The following SLC24A4 variants were observed in gnomAD, a reference collection of about 807,000 sequenced individuals.
SLC24A4 encodes the protein sodium/potassium/calcium exchanger 4.
In SLC24A4, 53 loss-of-function variants were observed where a neutral mutation model predicts 79.0. That is an observed-to-expected ratio of 0.67 (90% CI 0.54 to 0.84). The LOEUF (loss-of-function observed/expected upper bound fraction) is 0.84. SLC24A4 is among the 40% of genes least tolerant of loss of function. SLC24A4 has a pLI of 0.00. For missense variants in SLC24A4, 731 were observed against 822.0 expected (o/e 0.89, Z 1.35); for synonymous variants, 323 against 323.8 (o/e 1.00, Z 0.03).
At chr14:92,464,224 A>G (rs77278298) in intron 12 of SLC24A4, among the ~76,000 whole-genome samples, 2,827 of 152,274 alleles carry the variant, frequency 0.019, 93 homozygotes, top group African/African-American at 0.065. Flanking sequence ...GATCTTGGGA[A>G]TTTTTAGAGT....
intron 2 of SLC24A4, among the ~76,000 whole-genome samples, chr14:92,416,686 C>A (rs887104281): frequency 6.6e-6 from 1 of 152,174 alleles, no homozygotes; most frequent in African/African-American, 2.4e-5. Flanking sequence ...TAAGAACCTC[C>A]TCAAACCTCA....
In SLC24A4 at chr14:92,392,716, G is replaced by A. The variant is rs548164631; in HGVS notation, c.242-41196G>A. Among the ~76,000 whole-genome samples the A allele has an allele frequency of 1.9e-3, 284 of 152,316 alleles. 1 individual carries two copies. Among genetic ancestry groups the A allele is most frequent in the Admixed American group, 6.9e-3 (105 of 15,296 alleles). ...CTCCAGTGTGACAGTGTTGAGAGTG[G>A]GGCCTTTGAGGAAGTGAGGGATTAG... On this transcript the variant is annotated intron_variant, in intron 2 of 16. Transcript: ENST00000532405.
chr14:92,439,472 A>G, intron 4 of SLC24A4, 63 bp downstream of exon 4: 1 of 1,474,442 alleles, frequency 6.8e-7, no homozygotes. Context: ...CATAAATGCC[A>G]AGCCAAGAAG....
rs1410330735 is a variant in SLC24A4, at chr14:92,490,134, C to T, written c.1538-1531C>T. Among the ~76,000 whole-genome samples the T allele has an allele frequency of 2.6e-5, 4 of 152,202 alleles. No individual in the cohort carries two copies. The highest frequency in any genetic ancestry group is 9.6e-5 in the African/African-American group (4 of 41,454). The stretch of plus-strand genomic sequence containing the variant: ...CTGGCAGTCGAACAGAGATGGGCCA[C>T]CTGTGTGGGTGCCGATCTGAGTTGC... On this transcript the variant is annotated intron_variant, in intron 14 of 16. Transcript: ENST00000532405. The surrounding 1 kb of genome is among the most constrained non-coding windows in gnomAD (Gnocchi z 4.3).
intron 2 of SLC24A4, among the ~76,000 whole-genome samples, chr14:92,338,746 C>T (rs1181340772): frequency 6.6e-6 from 1 of 152,196 alleles, no homozygotes; most frequent in Non-Finnish European, 1.5e-5. Context: ...ACTTAGGAGG[C>T]CTATTGGGGG....
chr14:92,441,986 G>A lies in SLC24A4; in HGVS notation c.394-103G>A, dbSNP rs1436929559. On this transcript the variant is annotated intron_variant, in intron 4 of 16. Coordinates refer to ENST00000532405, the MANE Select transcript of SLC24A4 (RefSeq NM_153646.4). The surrounding 1 kb of genome is among the most constrained non-coding windows in gnomAD (Gnocchi z 4.6). Reference sequence around the variant, plus strand: ...CTGCAGGCAGACGAGTTTGCCTCTGGCTGCAGCACTGCTCTCCTGCATGCT... The same window carrying A: ...CTGCAGGCAGACGAGTTTGCCTCTGACTGCAGCACTGCTCTCCTGCATGCT... 1 of 875,666 alleles carries A rather than the reference G, an allele frequency of 1.1e-6. No homozygotes were observed. Among genetic ancestry groups the A allele is most frequent in the African/African-American group, 1.7e-5 (1 of 59,686 alleles). The allele number at this position is 875,666 out of a possible 1,614,324, so 54.2% of individuals were successfully genotyped here. A position where few individuals can be genotyped will look rare whatever the true frequency, so the allele number is the denominator to read the frequency against.
At chr14:92,456,344 A>G in intron 11 of SLC24A4, 60 bp from the exon 12 acceptor site, 1 of 1,575,392 alleles carries the variant, frequency 6.3e-7, no homozygotes. Flanking sequence ...CCCAGCGTAT[A>G]GCAATAGCAT....
chr14:92,363,495 C>T (rs1887649341), intron 2 of SLC24A4, among the ~76,000 whole-genome samples: 1 of 152,220 alleles, frequency 6.6e-6, no homozygotes, highest in African/African-American at 2.4e-5. Context: ...AGGGATTTGC[C>T]AAGCGTTGCA....
chr14:92,434,173 T>G (rs1289124746), intron 3 of SLC24A4, among the ~76,000 whole-genome samples, 185 bp downstream of exon 3: 1 of 152,182 alleles, frequency 6.6e-6, no homozygotes, highest in African/African-American at 2.4e-5. Context: ...ACTTACCCAG[T>G]GTCACACAGC....
chr14:92,408,425 C>T, intron 2 of SLC24A4: 2 of 985,384 alleles, frequency 2.0e-6, no homozygotes, highest in Non-Finnish European at 2.4e-6. Flanking sequence ...TCTCCTATCT[C>T]TGCAAACATG....
intron 2 of SLC24A4, among the ~76,000 whole-genome samples, chr14:92,391,957 C>A (rs1395271884): frequency 2.6e-5 from 4 of 152,198 alleles, no homozygotes; most frequent in Non-Finnish European, 4.4e-5. Flanking sequence ...CAAGTGAGAA[C>A]CACGCTTCCT....
chr14:92,467,407 A>G (rs918646499), intron 12 of SLC24A4, among the ~76,000 whole-genome samples: 2 of 152,232 alleles, frequency 1.3e-5, no homozygotes, highest in Non-Finnish European at 1.5e-5. Flanking sequence ...AACTTCATCA[A>G]CCTGACTAAT....
At chr14:92,352,014 GTAA>G (rs1886924595) in intron 2 of SLC24A4, among the ~76,000 whole-genome samples, 1 of 152,196 alleles carries the variant, frequency 6.6e-6, no homozygotes, top group African/African-American at 2.4e-5. Context: ...GGAGATGGGA[GTAA>G]TAATGGGAGC....
intron 2 of SLC24A4, among the ~76,000 whole-genome samples, chr14:92,412,935 A>T (rs1294941570): frequency 6.6e-6 from 1 of 152,252 alleles, no homozygotes; most frequent in Non-Finnish European, 1.5e-5. Context: ...ATTTTATGAC[A>T]CATGAGAATG....
chr14:92,331,334 AATGCAGTGGT>A (rs1885463887), intron 2 of SLC24A4, among the ~76,000 whole-genome samples: 2 of 152,138 alleles, frequency 1.3e-5, no homozygotes, highest in African/African-American at 4.8e-5. Flanking sequence ...CCCAGGCTGG[AATGCAGTGGT>A]ATGATCTCAG....
At chr14:92,434,352 C>G (rs563770046) in intron 3 of SLC24A4, among the ~76,000 whole-genome samples, 1 of 152,308 alleles carries the variant, frequency 6.6e-6, no homozygotes, top group East Asian at 1.9e-4. Flanking sequence ...GCCTGCTGTC[C>G]TGATTCCCAT....
chr14:92,362,274 G>A (rs1401784307), intron 2 of SLC24A4, among the ~76,000 whole-genome samples: 1 of 151,966 alleles, frequency 6.6e-6, no homozygotes, highest in Non-Finnish European at 1.5e-5. Context: ...GGAGAGCCTC[G>A]GAGCTCCATT....
intron 2 of SLC24A4, among the ~76,000 whole-genome samples, chr14:92,329,009 G>C (rs1029365426): frequency 9.9e-5 from 15 of 152,246 alleles, no homozygotes; most frequent in African/African-American, 3.4e-4. Context: ...AGTTTCAGGG[G>C]TGTGACAGAC....
chr14:92,390,241 C>T (rs1223059241), intron 2 of SLC24A4, among the ~76,000 whole-genome samples: 1 of 151,988 alleles, frequency 6.6e-6, no homozygotes, highest in Non-Finnish European at 1.5e-5. Flanking sequence ...TTCTCCCTCG[C>T]AAAGGGAGAA....
Sources: gnomAD v4.1 joint callset for allele counts (sites outside exome capture counted in the v4.1 genomes callset) on GRCh38, gnomAD v4.1.1 for gene constraint, Gnocchi (gnomAD v3.1) non-coding constraint, MANE v1.5 for transcripts, NCBI Gene and HGNC (gene_info 2026-07-23, HGNC 2026-07-21) for gene names.